LDLRAD4: variants seen among roughly 807,000 people sequenced by gnomAD.
LDLRAD4 encodes low-density lipoprotein receptor class A domain-containing protein 4.
In LDLRAD4, 5 loss-of-function variants were observed where a neutral mutation model predicts 17.0. The ratio of observed to expected loss-of-function variants is 0.29; its 90% CI spans 0.15 to 0.62. The LOEUF is 0.62. LDLRAD4 is among the 20% of genes least tolerant of loss of function. LDLRAD4 has a pLI of 0.84. For missense variants in LDLRAD4, 340 were observed against 424.7 expected (o/e 0.80, Z 1.75); for synonymous variants, 168 against 171.8 (o/e 0.98, Z 0.17).
chr18:13,577,032 AG>A (rs1568361533), intron 3 of LDLRAD4, among the ~76,000 whole-genome samples: 2 of 152,168 alleles, frequency 1.3e-5, no homozygotes, highest in African/African-American at 4.8e-5. Context: ...TGAAGTCCAC[AG>A]GGTTTAATTT....
At chr18:13,228,532 A>G (rs993548614) in intron 1 of LDLRAD4, among the ~76,000 whole-genome samples, 2 of 152,102 alleles carry the variant, frequency 1.3e-5, no homozygotes, top group Admixed American at 1.3e-4. Flanking sequence ...TTCTGGATAC[A>G]ATGTGTGCAG....
chr18:13,378,486 C>T (rs958869477), intron 1 of LDLRAD4, among the ~76,000 whole-genome samples: 3 of 152,066 alleles, frequency 2.0e-5, no homozygotes, highest in African/African-American at 4.8e-5. Flanking sequence ...AGAAAAGAGA[C>T]GGAAGAACAG....
intron 1 of LDLRAD4, among the ~76,000 whole-genome samples, chr18:13,256,900 ATT>A (rs1045129759): frequency 6.7e-6 from 1 of 150,120 alleles, no homozygotes; most frequent in African/African-American, 2.5e-5. Flanking sequence ...ATTTGGCGGA[ATT>A]TGGTGCACTT....
intron 3 of LDLRAD4, chr18:13,612,866 AGAG>A (rs776587545): frequency 2.4e-5 from 35 of 1,440,950 alleles, no homozygotes; most frequent in Non-Finnish European, 3.0e-5. Flanking sequence ...AGAGCTGAGA[AGAG>A]GAGAAGCTCT....
intron 1 of LDLRAD4, among the ~76,000 whole-genome samples, chr18:13,292,305 G>A (rs543613393): frequency 5.3e-4 from 81 of 152,338 alleles, no homozygotes; most frequent in Non-Finnish European, 1.0e-3. Flanking sequence ...ATGCCTGGGC[G>A]TGCCCTGGGC....
intron 2 of LDLRAD4, among the ~76,000 whole-genome samples, chr18:13,401,999 C>G (rs544137120): frequency 6.6e-6 from 1 of 152,212 alleles, no homozygotes; most frequent in Non-Finnish European, 1.5e-5. Flanking sequence ...GATGAAACAG[C>G]GCAGAGAATC....
intron 3 of LDLRAD4, among the ~76,000 whole-genome samples, chr18:13,568,739 G>A (rs1293136967): frequency 6.6e-6 from 1 of 152,218 alleles, no homozygotes. Context: ...TAGGGTCTCT[G>A]TATCACAGTA....
chr18:13,338,131 A>ATAT (rs1181495105), intron 1 of LDLRAD4, among the ~76,000 whole-genome samples: 4 of 152,276 alleles, frequency 2.6e-5, no homozygotes, highest in African/African-American at 9.6e-5. Context: ...GGAGAAATGT[A>ATAT]TATAGGTAGA....
At chr18:13,327,120 C>G (rs1179697359) in intron 1 of LDLRAD4, among the ~76,000 whole-genome samples, 2 of 151,948 alleles carry the variant, frequency 1.3e-5, no homozygotes, top group African/African-American at 2.4e-5. Flanking sequence ...TGCTTGACTC[C>G]CTCTGTGGGC....
chr18:13,635,582 CA>C (rs921662560), intron 4 of LDLRAD4, among the ~76,000 whole-genome samples: 17 of 152,232 alleles, frequency 1.1e-4, no homozygotes, highest in African/African-American at 3.4e-4. Flanking sequence ...TGGTGTCAAG[CA>C]GATTGAATTT....
At chr18:13,546,154 G>A (rs1245938794) in intron 3 of LDLRAD4, among the ~76,000 whole-genome samples, 1 of 152,130 alleles carries the variant, frequency 6.6e-6, no homozygotes, top group Non-Finnish European at 1.5e-5. Flanking sequence ...CAGGGGACTG[G>A]GTTTATGTTC....
In LDLRAD4 at chr18:13,266,896, C is replaced by A. The variant is rs960149730; in HGVS notation, c.-466-11209C>A. Among the ~76,000 whole-genome samples the A allele has an allele frequency of 3.3e-5, 5 of 152,230 alleles. No homozygotes were observed. In the East Asian group the frequency reaches 9.6e-4, roughly 29 times the overall value. On this transcript the variant is annotated intron_variant, in intron 1 of 5. Coordinates refer to the LDLRAD4 transcript ENST00000399848. ...TGAGTAAGAGTAATACTAAGAGTTA[C>A]AATTTTATGTTCCAGTGAGGTAGAA... is the stretch of plus-strand genomic sequence containing the variant.
At chr18:13,224,760 A>G (rs140129464) in intron 1 of LDLRAD4, among the ~76,000 whole-genome samples, 3,178 of 150,630 alleles carry the variant, frequency 0.021, 117 homozygotes, top group African/African-American at 0.073. Flanking sequence ...GATTACAGGC[A>G]TGAGCCACTG....
chr18:13,226,179 G>GTTTTTTTTTT (rs1243883704), intron 1 of LDLRAD4, among the ~76,000 whole-genome samples: 4 of 11,470 alleles, frequency 3.5e-4, no homozygotes, highest in Non-Finnish European at 1.0e-3. Context: ...GCCATGCCTT[G>GTTTTTTTTTT]CTTTTTTTTT....
chr18:13,345,462 T>G (rs1429404812), intron 1 of LDLRAD4, among the ~76,000 whole-genome samples: 1 of 152,236 alleles, frequency 6.6e-6, no homozygotes, highest in East Asian at 1.9e-4. Context: ...AACTTTTTGA[T>G]GTGCTGCTGG....
chr18:13,451,861 A>G (rs987597105), intron 3 of LDLRAD4, among the ~76,000 whole-genome samples: 18 of 152,174 alleles, frequency 1.2e-4, no homozygotes, highest in Non-Finnish European at 2.2e-4. Context: ...TCACCTCCTA[A>G]GCTTGTCACT....
intron 2 of LDLRAD4, among the ~76,000 whole-genome samples, chr18:13,409,178 GT>G (rs1314012107): frequency 6.6e-6 from 1 of 152,118 alleles, no homozygotes; most frequent in Non-Finnish European, 1.5e-5. Context: ...TTGTTTGTTT[GT>G]TTTTTCACTA....
intron 2 of LDLRAD4, among the ~76,000 whole-genome samples, chr18:13,431,978 C>T (rs111646774): frequency 0.011 from 1,716 of 152,300 alleles, 13 homozygotes; most frequent in South Asian, 0.038. Context: ...TGCCTTTACG[C>T]CGAGGTTGGC....
chr18:13,617,448 A>G (rs1255050918), intron 3 of LDLRAD4, among the ~76,000 whole-genome samples: 1 of 152,242 alleles, frequency 6.6e-6, no homozygotes, highest in Admixed American at 6.5e-5. Context: ...ATCTTAGGAA[A>G]AAAATATGTT....
Sources: allele counts gnomAD v4.1 joint callset (sites outside exome capture counted in the v4.1 genomes callset), GRCh38; gene constraint gnomAD v4.1.1; transcripts MANE v1.5; gene names NCBI Gene and HGNC (gene_info 2026-07-23, HGNC 2026-07-21).